Variants in OSBPL9 observed in about 807,000 individuals in gnomAD.
The protein encoded by OSBPL9 is oxysterol-binding protein-related protein 9.
Under a neutral mutation model 106.6 loss-of-function variants are expected in OSBPL9, and 40 were observed. That is an observed-to-expected ratio of 0.38 (90% CI 0.29 to 0.49). The LOEUF (loss-of-function observed/expected upper bound fraction) is 0.49, where lower values mean the gene tolerates loss of function less well. Ranked by LOEUF, OSBPL9 falls within the 20% of genes least tolerant of loss-of-function variation. The pLI is 0.97. For synonymous variants in OSBPL9, 269 were observed against 295.4 expected (o/e 0.91, Z 0.92); for missense variants, 609 against 887.2 (o/e 0.69, Z 3.98).
At chr1:51,538,776 C>A in the OSBPL9 span, 2 of 152,160 alleles carry the variant, frequency 1.3e-5, no homozygotes, top group African/African-American at 4.8e-5. Flanking sequence ...TTAGACCACC[C>A]ACTTCACTGA....
At chr1:51,712,256 G>C (rs1264730446) in intron 3 of OSBPL9, among the ~76,000 whole-genome samples, 1 of 152,234 alleles carries the variant, frequency 6.6e-6, no homozygotes, top group Non-Finnish European at 1.5e-5. Flanking sequence ...ACCAAAACCA[G>C]TCAGGCGTGG....
At chr1:51,703,916 CT>C (rs1295961472) in intron 3 of OSBPL9, among the ~76,000 whole-genome samples, 1 of 152,156 alleles carries the variant, frequency 6.6e-6, no homozygotes, top group East Asian at 1.9e-4. Flanking sequence ...GTCGTTGGTT[CT>C]GTTTATATGC....
At chr1:51,528,329 A>G in the OSBPL9 span, among the ~76,000 whole-genome samples, 1 of 152,234 alleles carries the variant, frequency 6.6e-6, no homozygotes, top group African/African-American at 2.4e-5. Context: ...AAGTTGCAAG[A>G]TACAACATTA....
At chr1:51,668,975 G>A (rs1649190015) in intron 2 of OSBPL9, among the ~76,000 whole-genome samples, 1 of 152,150 alleles carries the variant, frequency 6.6e-6, no homozygotes, top group Admixed American at 6.5e-5. Context: ...GTGTTTTGAA[G>A]CAAATGTCAC....
chr1:51,527,576 T>C, the OSBPL9 span, among the ~76,000 whole-genome samples: 4 of 152,138 alleles, frequency 2.6e-5, no homozygotes, highest in South Asian at 8.3e-4. Flanking sequence ...TTATTTTTTA[T>C]AGAGACTGGG....
intron 4 of OSBPL9, among the ~76,000 whole-genome samples, chr1:51,725,422 TC>T (rs1419049405): frequency 6.6e-6 from 1 of 152,238 alleles, no homozygotes; most frequent in Non-Finnish European, 1.5e-5. Flanking sequence ...CCCTGCAACA[TC>T]CAAGTCTAGT....
chr1:51,653,271 G>T (rs1431987451), intron 2 of OSBPL9, among the ~76,000 whole-genome samples: 2 of 151,244 alleles, frequency 1.3e-5, no homozygotes, highest in Non-Finnish European at 2.9e-5. Flanking sequence ...AGCACTTGCT[G>T]TTGACCTCAG....
At chr1:51,778,000 T>G (rs577991958) in intron 15 of OSBPL9, among the ~76,000 whole-genome samples, 12 of 152,028 alleles carry the variant, frequency 7.9e-5, no homozygotes, top group Admixed American at 3.9e-4. Flanking sequence ...AAAAAAAAAT[T>G]TTTAATAATA....
At chr1:51,540,666 AT>A in the OSBPL9 span, among the ~76,000 whole-genome samples, 141 of 142,474 alleles carry the variant, frequency 9.9e-4, no homozygotes, top group African/African-American at 1.5e-3. Context: ...AAAAAAAAAA[AT>A]TTTTTTTGTT....
chr1:51,784,148 C>G, intron 18 of OSBPL9, 116 bp from the exon 19 acceptor site: 1 of 1,389,062 alleles, frequency 7.2e-7, no homozygotes, highest in Non-Finnish European at 1.0e-6. Context: ...GGGTGGGGAA[C>G]TAGATAGGTT....
At chr1:51,637,453 A>G (rs1229398675) in intron 1 of OSBPL9, among the ~76,000 whole-genome samples, 1 of 152,256 alleles carries the variant, frequency 6.6e-6, no homozygotes, top group African/African-American at 2.4e-5. Flanking sequence ...AGCCTGGGCA[A>G]CAAGAGTGAA....
At chr1:51,633,389 G>A (rs942757873) in intron 1 of OSBPL9, among the ~76,000 whole-genome samples, 1 of 151,590 alleles carries the variant, frequency 6.6e-6, no homozygotes, top group African/African-American at 2.4e-5. Context: ...GGGCAATGTA[G>A]GGAGACCCCT....
chr1:51,592,108 C>CTTTTTTTTTTT (rs34379031), intron 1 of OSBPL9, among the ~76,000 whole-genome samples: 4 of 77,000 alleles, frequency 5.2e-5, no homozygotes, highest in East Asian at 7.7e-4. Flanking sequence ...GTTGCTAAGG[C>CTTTTTTTTTTT]TTTTTTTTTT....
chr1:51,602,818 T>C (rs1053346576), intron 2 of OSBPL9, among the ~76,000 whole-genome samples: 5 of 152,184 alleles, frequency 3.3e-5, no homozygotes, highest in Non-Finnish European at 7.3e-5. Context: ...AGGACTAGCA[T>C]GCAGTGGGTG....
At chr1:51,777,177 A>G (rs891363220) in intron 15 of OSBPL9, among the ~76,000 whole-genome samples, 5 of 152,226 alleles carry the variant, frequency 3.3e-5, no homozygotes, top group South Asian at 2.1e-4. Context: ...GGCCAATGGT[A>G]TAAGTTTATT....
At chr1:51,652,967 T>C (rs1463336997) in intron 2 of OSBPL9, among the ~76,000 whole-genome samples, 3 of 152,208 alleles carry the variant, frequency 2.0e-5, no homozygotes. Context: ...ATCCTTACTT[T>C]TGAAGATGTG....
upstream of OSBPL9, among the ~76,000 whole-genome samples, chr1:51,572,313 T>C (rs1296214281): frequency 9.9e-5 from 15 of 151,616 alleles, no homozygotes; most frequent in Admixed American, 9.9e-4. Context: ...AGCTCACCCT[T>C]CCTCCACAAT....
At chr1:51,773,281 G>A (rs1205063818) in intron 14 of OSBPL9, among the ~76,000 whole-genome samples, 1 of 152,150 alleles carries the variant, frequency 6.6e-6, no homozygotes, top group African/African-American at 2.4e-5. Flanking sequence ...GTCTGGATTT[G>A]AATTTGAATT....
chr1:51,665,836 G>A (rs1648334716), intron 2 of OSBPL9, among the ~76,000 whole-genome samples: 1 of 152,006 alleles, frequency 6.6e-6, no homozygotes, highest in Admixed American at 6.6e-5. Flanking sequence ...GCAGCAACAG[G>A]TGCTCCAGAG....
Sources: gnomAD v4.1 joint callset for allele counts (sites outside exome capture counted in the v4.1 genomes callset) on GRCh38, gnomAD v4.1.1 for gene constraint, MANE v1.5 for transcripts, NCBI Gene and HGNC (gene_info 2026-07-23, HGNC 2026-07-21) for gene names.